GALNT7: variants seen among roughly 807,000 people sequenced by gnomAD.
The protein encoded by GALNT7 is polypeptide N-acetylgalactosaminyltransferase 7.
Under a neutral mutation model 82.1 loss-of-function variants are expected in GALNT7, and 60 were observed. That is an observed-to-expected ratio of 0.73 (90% CI 0.59 to 0.91). The LOEUF (loss-of-function observed/expected upper bound fraction) is 0.91, where lower values mean the gene tolerates loss of function less well. Among genes scored for constraint, GALNT7 ranks in the 40% least tolerant of loss-of-function variants. The pLI, the probability that GALNT7 is intolerant of heterozygous loss-of-function variation, is 0.00. For missense variants in GALNT7, 660 were observed against 804.2 expected (o/e 0.82, Z 2.17); for synonymous variants, 243 against 275.1 (o/e 0.88, Z 1.15).
At chr4:173,282,767 G>A (rs1334062780) in intron 2 of GALNT7, among the ~76,000 whole-genome samples, 1 of 152,224 alleles carries the variant, frequency 6.6e-6, no homozygotes, top group African/African-American at 2.4e-5. Flanking sequence ...AATGAGACAA[G>A]GAAGGAGGTA....
intron 5 of GALNT7, among the ~76,000 whole-genome samples, chr4:173,296,131 T>C (rs73003339): frequency 0.028 from 4,312 of 152,284 alleles, 199 homozygotes; most frequent in African/African-American, 0.093. Flanking sequence ...CTAAGAGTTA[T>C]ATGAATTGCT....
At chr4:173,235,504 G>C (rs1159459275) in intron 1 of GALNT7, among the ~76,000 whole-genome samples, 3 of 151,690 alleles carry the variant, frequency 2.0e-5, no homozygotes, top group Non-Finnish European at 2.9e-5. Flanking sequence ...TGTTCTTTCA[G>C]ATCTTTGCTC....
chr4:173,225,607 C>T (rs908982765), intron 1 of GALNT7, among the ~76,000 whole-genome samples: 3 of 152,168 alleles, frequency 2.0e-5, no homozygotes, highest in Non-Finnish European at 4.4e-5. Flanking sequence ...CTTGCAGGAA[C>T]CTTATTGTGC....
At chr4:173,182,738 T>TACACACACACAC (rs35300617) in intron 1 of GALNT7, among the ~76,000 whole-genome samples, 12 of 115,788 alleles carry the variant, frequency 1.0e-4, no homozygotes, top group African/African-American at 3.5e-4. Context: ...TTACTCTTAA[T>TACACACACACAC]ACACACACAC....
intron 2 of GALNT7, chr4:173,268,328 C>T (rs567644268): frequency 2.0e-5 from 3 of 152,170 alleles, no homozygotes; most frequent in African/African-American, 7.2e-5. Flanking sequence ...AGCACTGTAA[C>T]TCGCACCCAA....
rs1733350814 is a variant in GALNT7, at chr4:173,213,583, AT to A, written c.127-34392del. The stretch of plus-strand genomic sequence containing the variant: ...TCTTTTGTAAGAGTCTTGGATTGAT[AT>A]TTTTGTTATACTTTGCAATCAAATA... On this transcript the variant is annotated intron_variant, in intron 1 of 11. Coordinates refer to ENST00000265000, the MANE Select transcript of GALNT7 (RefSeq NM_017423.3). Among the ~76,000 whole-genome samples, 5 of 152,256 alleles carry A rather than the reference AT, an allele frequency of 3.3e-5. No homozygotes were observed. In the South Asian group the frequency reaches 1.0e-3, roughly 32 times the overall value.
intron 2 of GALNT7, among the ~76,000 whole-genome samples, chr4:173,271,403 A>G (rs1174969341): frequency 3.3e-5 from 5 of 152,178 alleles, no homozygotes; most frequent in East Asian, 1.9e-4. Context: ...CTGTAATCCT[A>G]CCAGCCAAGT....
At chr4:173,280,731 T>C (rs944028123) in intron 2 of GALNT7, among the ~76,000 whole-genome samples, 1 of 152,324 alleles carries the variant, frequency 6.6e-6, no homozygotes. Flanking sequence ...GTCCTTCTTA[T>C]TAGAACTTAT....
intron 2 of GALNT7, among the ~76,000 whole-genome samples, chr4:173,289,503 C>G (rs1264179765): frequency 6.6e-6 from 1 of 152,214 alleles, no homozygotes; most frequent in African/African-American, 2.4e-5. Context: ...GTAAGAAACT[C>G]TTCTCATCTC....
rs189212611 is a variant in GALNT7 at position 173,238,853 on chromosome 4, A to G, written c.127-9127A>G. On this transcript the variant is annotated intron_variant, in intron 1 of 11. Coordinates refer to ENST00000265000, the MANE Select transcript of GALNT7 (RefSeq NM_017423.3). ...ACATAGACTTCTTAATTAGTTGTCT[A>G]TGATAACTTTGATCTGCTCCAATTA... Among the ~76,000 whole-genome samples, 44 of 152,324 alleles carry G rather than the reference A, an allele frequency of 2.9e-4. 1 individual carries two copies. The East Asian group carries it at 5.2e-3, about 18-fold the overall frequency.
chr4:173,182,871 T>A (rs1275350668), intron 1 of GALNT7, among the ~76,000 whole-genome samples: 2 of 145,548 alleles, frequency 1.4e-5, no homozygotes, highest in Non-Finnish European at 3.0e-5. Context: ...CCTGATTCTT[T>A]TAAATTAAAG....
rs144561691 is a variant in GALNT7, at chr4:173,175,486, C to A, written c.126+6525C>A. On this transcript the variant is annotated intron_variant, in intron 1 of 11. Coordinates refer to ENST00000265000, the MANE Select transcript of GALNT7 (RefSeq NM_017423.3). ...TTCAGAGCTGTGCTCTCTGATCTTGCACTACAGTTTTTAACAACACAGACA... is the reference window on the plus strand; with the variant it reads ...TTCAGAGCTGTGCTCTCTGATCTTGAACTACAGTTTTTAACAACACAGACA... 5.3e-3 allele frequency among the ~76,000 whole-genome samples: 804 copies of A among 152,272 alleles called. 8 individuals are homozygous for A. The highest frequency in any genetic ancestry group is 0.019 in the African/African-American group (773 of 41,554).
chr4:173,278,755 TAA>T (rs2126803070), intron 2 of GALNT7, among the ~76,000 whole-genome samples: 1 of 152,334 alleles, frequency 6.6e-6, no homozygotes, highest in South Asian at 2.1e-4. Context: ...ATATCCAGAC[TAA>T]GAGTTGTAGC....
Position 173,268,530 on chromosome 4 carries a change from GTTTTTTTTTTTTTT to G in GALNT7, c.587+20104_587+20117del, listed in dbSNP as rs60894562. ...AAATAGGACACTTGTTTTCTCTCTC[GTTTTTTTTTTTTTT>G]TTTTTTTTTTTTTGAGATGGAGTCT... On this transcript the variant is annotated intron_variant, in intron 2 of 11. Coordinates refer to ENST00000265000, the MANE Select transcript of GALNT7 (RefSeq NM_017423.3). Among the ~76,000 whole-genome samples the G allele has an allele frequency of 1.5e-4, 8 of 52,364 alleles. No homozygotes were observed. In the South Asian group the frequency reaches 3.2e-3, roughly 21 times the overall value. 34.4% of individuals were successfully genotyped at this position (52,364 alleles called of 152,430 possible).
rs548576558 is a variant in GALNT7, at chr4:173,179,542, G to T, written c.126+10581G>T. ...GTTTGCAAGTAGCTTTTTCAACTGT[G>T]CAAATGCCCAACTCCTTCTACAAGT... On this transcript the variant is annotated intron_variant, in intron 1 of 11. Coordinates refer to ENST00000265000, the MANE Select transcript of GALNT7 (RefSeq NM_017423.3). 4.1e-4 allele frequency among the ~76,000 whole-genome samples: 62 copies of T among 152,278 alleles called. 1 individual carries two copies. Among genetic ancestry groups the T allele is most frequent in the Non-Finnish European group, 8.2e-4 (56 of 68,016 alleles).
chr4:173,313,767 CATG>C (rs1737478444), intron 8 of GALNT7, among the ~76,000 whole-genome samples, 188 bp from the exon 9 acceptor site: 1 of 151,964 alleles, frequency 6.6e-6, no homozygotes, highest in Admixed American at 6.5e-5. Context: ...CTTAAATACA[CATG>C]ATATTTTAAT....
intron 1 of GALNT7, among the ~76,000 whole-genome samples, chr4:173,178,657 C>T (rs1264983306): frequency 6.6e-6 from 1 of 152,216 alleles, no homozygotes; most frequent in African/African-American, 2.4e-5. Context: ...ATTCACTTCA[C>T]TGAATACAAG....
At chr4:173,305,709 T>A (rs1461409757) in intron 8 of GALNT7, among the ~76,000 whole-genome samples, 1 of 152,192 alleles carries the variant, frequency 6.6e-6, no homozygotes, top group Non-Finnish European at 1.5e-5. Flanking sequence ...TGACCATAAA[T>A]GCGTGGATTA....
At position 173,182,733 on chromosome 4, in the gene GALNT7, CTT is replaced by C. The variant is rs1732288965; in HGVS notation, c.126+13773_126+13774del. 2.4e-5 allele frequency among the ~76,000 whole-genome samples: 3 copies of C among 123,404 alleles called. No individual in the cohort carries two copies. In the Admixed American group the frequency reaches 2.5e-4, roughly 10 times the overall value. 81.0% of individuals were successfully genotyped at this position (123,404 alleles called of 152,430 possible). On this transcript the variant is annotated intron_variant, in intron 1 of 11. Transcript: ENST00000265000. ...CGAATGATGAGGCTAGCAGGTTACT[CTT>C]AATACACACACACACACACACACAC...
Sources: gnomAD v4.1 joint callset for allele counts (sites outside exome capture counted in the v4.1 genomes callset) on GRCh38, gnomAD v4.1.1 for gene constraint, MANE v1.5 for transcripts, NCBI Gene and HGNC (gene_info 2026-07-23, HGNC 2026-07-21) for gene names.